Variants in PRKG1 observed in about 807,000 individuals in gnomAD.
PRKG1 encodes the protein cGMP-dependent protein kinase 1.
In PRKG1, 35 loss-of-function variants were observed where a neutral mutation model predicts 88.1. The ratio of observed to expected loss-of-function variants is 0.40; its 90% confidence interval spans 0.30 to 0.53. The LOEUF (loss-of-function observed/expected upper bound fraction) is 0.53. PRKG1 is among the 20% of genes least tolerant of loss of function. The pLI is 0.59. For synonymous variants in PRKG1, 303 were observed against 292.5 expected (o/e 1.04, Z -0.37); for missense variants, 540 against 839.8 (o/e 0.64, Z 4.41).
chr10:51,527,475 T>C lies in PRKG1; in HGVS notation c.592+59639T>C, dbSNP rs550294121. On this transcript the variant is annotated intron_variant, in intron 3 of 17. Transcript: ENST00000373980. ...ATGAGCTGAGCTGGATTTTGAAGCA[T>C]ATATAGGAATGAATAAATTGTTAGA... Among the ~76,000 whole-genome samples, 17 of 152,144 alleles carry C rather than the reference T, an allele frequency of 1.1e-4. No individual in the cohort carries two copies. In the East Asian group the frequency reaches 2.7e-3, roughly 24 times the overall value.
At chr10:51,755,011 C>CA (rs11450493) in intron 3 of PRKG1, among the ~76,000 whole-genome samples, 70,367 of 130,614 alleles carry the variant, frequency 0.54, 17,638 homozygotes, top group Middle Eastern at 0.65. Context: ...AACTCAATTA[C>CA]AAAAAAAAAA....
chr10:51,763,832 G>A (rs1219145359), intron 3 of PRKG1, among the ~76,000 whole-genome samples: 5 of 152,142 alleles, frequency 3.3e-5, no homozygotes, highest in African/African-American at 1.2e-4. Context: ...TTAGTGGTGG[G>A]AAGTCTCTGC....
chr10:51,963,288 C>T (rs929293735), intron 5 of PRKG1, among the ~76,000 whole-genome samples: 12 of 152,006 alleles, frequency 7.9e-5, no homozygotes, highest in African/African-American at 2.9e-4. Context: ...TTCTCCACTT[C>T]AAAAGTTGAT....
chr10:51,297,774 A>C (rs1464690338), intron 2 of PRKG1, among the ~76,000 whole-genome samples: 1 of 152,100 alleles, frequency 6.6e-6, no homozygotes, highest in Admixed American at 6.6e-5. Context: ...TTTAACCTTG[A>C]TATCTTACAT....
At position 52,026,363 on chromosome 10, in the gene PRKG1, C is replaced by G. The variant is rs115874003; in HGVS notation, c.763-28121C>G. On this transcript the variant is annotated intron_variant, in intron 5 of 17. Coordinates refer to ENST00000373980, the MANE Select transcript of PRKG1 (RefSeq NM_006258.4). ...AAATTACACTTCTTTGCATATGCTTCTGTCTACCTGACTTAAAAAGAAGTA... is the reference window on the plus strand; with the variant it reads ...AAATTACACTTCTTTGCATATGCTTGTGTCTACCTGACTTAAAAAGAAGTA... Among the ~76,000 whole-genome samples, 1,022 of 152,278 alleles carry G rather than the reference C, an allele frequency of 6.7e-3. 8 individuals carry two copies. The highest frequency in any genetic ancestry group is 0.022 in the African/African-American group (921 of 41,560).
chr10:52,163,835 T>G (rs1038508178), intron 9 of PRKG1, among the ~76,000 whole-genome samples: 1 of 152,184 alleles, frequency 6.6e-6, no homozygotes, highest in Non-Finnish European at 1.5e-5. Flanking sequence ...GAGGTAGATA[T>G]GGCAACAATT....
chr10:51,389,410 C>T (rs1478154137), intron 2 of PRKG1, among the ~76,000 whole-genome samples: 3 of 152,184 alleles, frequency 2.0e-5, no homozygotes, highest in Non-Finnish European at 2.9e-5. Flanking sequence ...AAACACCGAT[C>T]ATTCTTTTAC....
intron 7 of PRKG1, among the ~76,000 whole-genome samples, chr10:52,069,667 A>C (rs1254753451): frequency 6.6e-6 from 1 of 152,190 alleles, no homozygotes; most frequent in Non-Finnish European, 1.5e-5. Flanking sequence ...AAAACTATTC[A>C]AGCTGCTTTT....
intron 1 of PRKG1, among the ~76,000 whole-genome samples, chr10:51,077,793 G>C (rs978438796): frequency 2.0e-5 from 3 of 152,060 alleles, no homozygotes; most frequent in Admixed American, 2.0e-4. Flanking sequence ...GTAGCAAATT[G>C]GAATCTGTAT....
intron 3 of PRKG1, among the ~76,000 whole-genome samples, chr10:51,628,939 C>G (rs1250515536): frequency 6.9e-6 from 1 of 145,050 alleles, no homozygotes; most frequent in African/African-American, 2.6e-5. Flanking sequence ...GCAGTCCGGC[C>G]TGGGCGACAG....
In PRKG1 at chr10:51,897,074, A is replaced by G. The variant is rs373868038; in HGVS notation, c.699-10433A>G. 2.6e-5 allele frequency among the ~76,000 whole-genome samples: 4 copies of G among 152,194 alleles called. No homozygotes were observed. The East Asian group carries it at 5.8e-4, about 22-fold the overall frequency. On this transcript the variant is annotated intron_variant, in intron 4 of 17. Transcript: ENST00000373980. ...ACTAAGAGAAGAAAGACCAGTTATA[A>G]GACAATTGCATAATAGACTGAACCA...
At chr10:51,754,029 G>A (rs1837794753) in intron 3 of PRKG1, among the ~76,000 whole-genome samples, 1 of 151,958 alleles carries the variant, frequency 6.6e-6, no homozygotes, top group African/African-American at 2.4e-5. Context: ...AATCCTGGAT[G>A]GGAAGTCCTT....
intron 2 of PRKG1, among the ~76,000 whole-genome samples, chr10:51,361,109 G>A (rs577389234): frequency 8.6e-5 from 13 of 151,906 alleles, no homozygotes; most frequent in African/African-American, 1.7e-4. Flanking sequence ...CAATTCTGGC[G>A]TGTCTTATTG....
At chr10:51,217,811 A>G (rs1274618151) in intron 2 of PRKG1, among the ~76,000 whole-genome samples, 1 of 152,190 alleles carries the variant, frequency 6.6e-6, no homozygotes, top group Non-Finnish European at 1.5e-5. Context: ...GCAAATGTAT[A>G]GCAAGAAAAA....
At chr10:51,477,799 G>GA (rs1840241025) in intron 3 of PRKG1, among the ~76,000 whole-genome samples, 2 of 151,916 alleles carry the variant, frequency 1.3e-5, no homozygotes, top group Non-Finnish European at 2.9e-5. Flanking sequence ...AGAAGTATAA[G>GA]AAAAAAGGGC....
chr10:51,673,014 G>A (rs1311425107), intron 3 of PRKG1, among the ~76,000 whole-genome samples: 1 of 152,110 alleles, frequency 6.6e-6, no homozygotes, highest in Non-Finnish European at 1.5e-5. Context: ...TTCACCATGT[G>A]TCTATTAAAA....
chr10:51,927,654 G>A (rs1326310003), intron 5 of PRKG1, among the ~76,000 whole-genome samples: 1 of 152,142 alleles, frequency 6.6e-6, no homozygotes, highest in Non-Finnish European at 1.5e-5. Flanking sequence ...ACTAATGGAA[G>A]TGGGTGGCTA....
chr10:51,105,138 T>A (rs1008692010), intron 1 of PRKG1, among the ~76,000 whole-genome samples: 3 of 152,366 alleles, frequency 2.0e-5, no homozygotes, highest in Admixed American at 6.5e-5. Flanking sequence ...CCCAAAGTGC[T>A]GTGATTGCAG....
intron 3 of PRKG1, among the ~76,000 whole-genome samples, chr10:51,503,135 C>T (rs188112090): frequency 8.5e-5 from 13 of 152,240 alleles, no homozygotes; most frequent in African/African-American, 2.9e-4. Flanking sequence ...CCATCTTGAA[C>T]GTACCAAGTC....
Sources: gnomAD v4.1 joint callset for allele counts (sites outside exome capture counted in the v4.1 genomes callset) on GRCh38, gnomAD v4.1.1 for gene constraint, MANE v1.5 for transcripts, NCBI Gene and HGNC (gene_info 2026-07-23, HGNC 2026-07-21) for gene names.